The following AGAP1 variants were observed in gnomAD, a reference collection of about 807,000 sequenced individuals.
AGAP1 encodes the protein arf-GAP with GTPase, ANK repeat and PH domain-containing protein 1.
In AGAP1, 29 loss-of-function variants were observed where a neutral mutation model predicts 105.3. That is an observed-to-expected ratio of 0.28 (90% CI 0.21 to 0.38). The LOEUF (loss-of-function observed/expected upper bound fraction) is 0.38. AGAP1 is among the 10% of genes least tolerant of loss of function. The pLI, the probability that AGAP1 is intolerant of heterozygous loss-of-function variation, is 1.00. For synonymous variants in AGAP1, 509 were observed against 485.9 expected, an observed-to-expected ratio of 1.05 and a Z score of -0.63; for missense variants, 998 against 1,165.1, an observed-to-expected ratio of 0.86 and a Z score of 2.09.
Position 235,600,163 on chromosome 2 carries a change from A to C in AGAP1, c.163+105314A>C, listed in dbSNP as rs1945681651. Among the ~76,000 whole-genome samples, 2 of 152,110 alleles carry C rather than the reference A, an allele frequency of 1.3e-5. No individual in the cohort carries two copies. The highest frequency in any genetic ancestry group is 4.8e-5 in the African/African-American group (2 of 41,398). ...TCAAGTCCCTTGTCCAAAATCCAAAAAGCCGACACTGGAAATATTCTGTAG... is the reference window on the plus strand; with the variant it reads ...TCAAGTCCCTTGTCCAAAATCCAAACAGCCGACACTGGAAATATTCTGTAG... On this transcript the variant is annotated intron_variant, in intron 1 of 17. Coordinates refer to ENST00000304032, the MANE Select transcript of AGAP1 (RefSeq NM_001037131.3). This position sits in a 1 kb window ranked among gnomAD's most constrained non-coding sequence, Gnocchi z 4.8.
intron 1 of AGAP1, among the ~76,000 whole-genome samples, chr2:235,590,712 T>TGTGTGCGTGTGC (rs369129304): frequency 8.5e-6 from 1 of 117,026 alleles, no homozygotes; most frequent in Non-Finnish European, 1.7e-5. Context: ...TGTGTGTGTG[T>TGTGTGCGTGTGC]GCATTTTTTT....
rs1960962672 is a variant in AGAP1 at position 235,842,340 on chromosome 2, G to T, written c.1050+35009G>T. 6.6e-6 allele frequency among the ~76,000 whole-genome samples: 1 copy of T among 152,210 alleles called. No homozygotes were observed. Among genetic ancestry groups the T allele is most frequent in the African/African-American group, 2.4e-5 (1 of 41,448 alleles). ...AGGCAACGATCCACAGTGGTGTTTT[G>T]TTAGCAGAACCTGTGACTTTGCCAC... On this transcript the variant is annotated intron_variant, in intron 9 of 17. Transcript: ENST00000304032. This position sits in a 1 kb window ranked among gnomAD's most constrained non-coding sequence, Gnocchi z 5.3.
At chr2:235,746,241 G>A (rs1226862501) in intron 5 of AGAP1, among the ~76,000 whole-genome samples, 4 of 150,860 alleles carry the variant, frequency 2.7e-5, no homozygotes, top group South Asian at 2.1e-4. Flanking sequence ...AGCCAAGATC[G>A]TGCCACTGCA....
intron 13 of AGAP1, among the ~76,000 whole-genome samples, chr2:236,032,557 G>A (rs1330772417): frequency 6.6e-6 from 1 of 152,182 alleles, no homozygotes; most frequent in East Asian, 1.9e-4. Context: ...ACAGAGTGAG[G>A]TTTCAATCAG....
rs544642769 is a variant in AGAP1 at position 236,070,275 on chromosome 2, G to A, written c.2114+20994G>A. Among the ~76,000 whole-genome samples, 7 of 152,298 alleles carry A rather than the reference G, an allele frequency of 4.6e-5. No individual in the cohort carries two copies. In the South Asian group the frequency reaches 1.2e-3, roughly 27 times the overall value. ...GGGCGAGTGGTTAGGGGCAGCGTCC[G>A]GACACCATGCTCACCTACCCAGATG... On this transcript the variant is annotated intron_variant, in intron 16 of 17. Coordinates refer to ENST00000304032, the MANE Select transcript of AGAP1 (RefSeq NM_001037131.3).
At chr2:235,687,895 C>G (rs1575132949) in intron 1 of AGAP1, among the ~76,000 whole-genome samples, 1 of 106,356 alleles carries the variant, frequency 9.4e-6, no homozygotes, top group Non-Finnish European at 1.8e-5. Flanking sequence ...TCGCCGCTCT[C>G]TGACTTTTTT....
rs1553614562 is a variant in AGAP1 at position 235,723,765 on chromosome 2, C to CATTGGTTG, written c.310+6121_310+6122insATTGGTTG. On this transcript the variant is annotated intron_variant, in intron 3 of 17. Coordinates refer to ENST00000304032, the MANE Select transcript of AGAP1 (RefSeq NM_001037131.3). The surrounding 1 kb of genome is among the most constrained non-coding windows in gnomAD (Gnocchi z 6.2). ...ATATGGATTGAGTGGGAGCTTTTAT[C>CATTGGTTG]GTTGGTTGGTTGGTTGGTTGGTTGG... Among the ~76,000 whole-genome samples, 1 of 149,894 alleles carries CATTGGTTG rather than the reference C, an allele frequency of 6.7e-6. No individual in the cohort carries two copies. The highest frequency in any genetic ancestry group is 2.5e-5 in the African/African-American group (1 of 40,648).
intron 9 of AGAP1, among the ~76,000 whole-genome samples, chr2:235,819,088 G>A (rs561521545): frequency 1.3e-5 from 2 of 151,630 alleles, no homozygotes; most frequent in African/African-American, 2.4e-5. Context: ...ATCGAGTATC[G>A]GGAAATTGTA....
rs78704124 is a variant in AGAP1, at chr2:235,619,757, G to A, written c.164-89422G>A. On this transcript the variant is annotated intron_variant, in intron 1 of 17. Coordinates refer to ENST00000304032, the MANE Select transcript of AGAP1 (RefSeq NM_001037131.3). ...GCTGGAGATCAGCAACACCAGCTTC[G>A]GCGCCCGAATTGCTGCACATTGTCC... 4.0e-3 allele frequency among the ~76,000 whole-genome samples: 614 copies of A among 152,322 alleles called. 2 individuals are homozygous for A. Among genetic ancestry groups the A allele is most frequent in the African/African-American group, 0.014 (592 of 41,564 alleles).
rs115956308 is a variant in AGAP1 at position 235,752,638 on chromosome 2, C to T, written c.673+2150C>T. On this transcript the variant is annotated intron_variant, in intron 6 of 17. Transcript: ENST00000304032. This position sits in a 1 kb window ranked among gnomAD's most constrained non-coding sequence, Gnocchi z 4.3. ...CCCGTGCAGAGAGCTTGCCGGTCCCCGATGCAGGATATCAGGGACTCAGTT... is the reference window on the plus strand; with the variant it reads ...CCCGTGCAGAGAGCTTGCCGGTCCCTGATGCAGGATATCAGGGACTCAGTT... Among the ~76,000 whole-genome samples, 259 of 152,252 alleles carry T rather than the reference C, an allele frequency of 1.7e-3. No homozygotes were observed. The highest frequency in any genetic ancestry group is 5.8e-3 in the African/African-American group (242 of 41,552).
intron 13 of AGAP1, among the ~76,000 whole-genome samples, chr2:235,972,078 A>G (rs1442242506): frequency 1.3e-5 from 2 of 152,154 alleles, no homozygotes; most frequent in Admixed American, 1.3e-4. Flanking sequence ...CACCCGGCCT[A>G]TATTTTATGT....
chr2:236,072,003 C>T (rs1194935603), intron 16 of AGAP1, among the ~76,000 whole-genome samples: 5 of 152,182 alleles, frequency 3.3e-5, no homozygotes, highest in African/African-American at 1.2e-4. Context: ...GTGTCCCTGG[C>T]CCATCTCTAG....
Position 235,739,420 on chromosome 2 carries a change from G to C in AGAP1, c.311-1543G>C, listed in dbSNP as rs1194544417. 2.0e-5 allele frequency among the ~76,000 whole-genome samples: 3 copies of C among 152,236 alleles called. No individual in the cohort carries two copies. The highest frequency in any genetic ancestry group is 1.3e-4 in the Admixed American group (2 of 15,278). On this transcript the variant is annotated intron_variant, in intron 3 of 17. Transcript: ENST00000304032. The surrounding 1 kb of genome is among the most constrained non-coding windows in gnomAD (Gnocchi z 5.3). ...CCCTCGTGCAGCTGGGGCTCACCCTGTCTGGACCCAGCGGCCTGACTGGCC... is the reference window on the plus strand; with the variant it reads ...CCCTCGTGCAGCTGGGGCTCACCCTCTCTGGACCCAGCGGCCTGACTGGCC...
rs1336489607 is a variant in AGAP1 at position 235,736,163 on chromosome 2, G to T, written c.311-4800G>T. Among the ~76,000 whole-genome samples, 2 of 151,712 alleles carry T rather than the reference G, an allele frequency of 1.3e-5. No homozygotes were observed. The highest frequency in any genetic ancestry group is 2.4e-5 in the African/African-American group (1 of 41,334). On this transcript the variant is annotated intron_variant, in intron 3 of 17. Transcript: ENST00000304032. The surrounding 1 kb of genome is among the most constrained non-coding windows in gnomAD (Gnocchi z 5.5). The stretch of plus-strand genomic sequence containing the variant: ...GGTTCCACCTTAGGGTCAGGCAGCT[G>T]CGACCGATCTGTCTGGTTCCTCACC...
At chr2:235,768,288 G>A (rs887924405) in intron 6 of AGAP1, among the ~76,000 whole-genome samples, 1 of 152,088 alleles carries the variant, frequency 6.6e-6, no homozygotes, top group Non-Finnish European at 1.5e-5. Context: ...TGTAAAATGG[G>A]ACTAATTGTA....
In AGAP1 at chr2:235,981,175, C is replaced by T. The variant is rs1421746820; in HGVS notation, c.1645+12552C>T. Among the ~76,000 whole-genome samples, 2 of 152,150 alleles carry T rather than the reference C, an allele frequency of 1.3e-5. No homozygotes were observed. Among genetic ancestry groups the T allele is most frequent in the Admixed American group, 6.6e-5 (1 of 15,266 alleles). ...TTGAACTTGCCAACACATGCTGCCT[C>T]GGGGCCTGTGGTCACTAAGCTTATA... is the stretch of plus-strand genomic sequence containing the variant. On this transcript the variant is annotated intron_variant, in intron 13 of 17. Transcript: ENST00000304032. The surrounding 1 kb of genome is among the most constrained non-coding windows in gnomAD (Gnocchi z 5.5).
intron 1 of AGAP1, among the ~76,000 whole-genome samples, chr2:235,529,868 G>A (rs1442261023): frequency 6.6e-6 from 1 of 152,196 alleles, no homozygotes. Flanking sequence ...ATTGGGCTGG[G>A]CAAAGGCAGT....
At position 236,078,726 on chromosome 2, in the gene AGAP1, G is replaced by A. The variant is rs2058707508; in HGVS notation, c.2114+29445G>A. The stretch of plus-strand genomic sequence containing the variant: ...GTGGCTGGGTGCTAGATGGGACCAT[G>A]GGACCCAAGTCCACCCTCTGGCCCC... On this transcript the variant is annotated intron_variant, in intron 16 of 17. Coordinates refer to ENST00000304032, the MANE Select transcript of AGAP1 (RefSeq NM_001037131.3). The surrounding 1 kb of genome is among the most constrained non-coding windows in gnomAD (Gnocchi z 5.3). Among the ~76,000 whole-genome samples the A allele has an allele frequency of 6.6e-6, 1 of 152,152 alleles. No individual in the cohort carries two copies. Among genetic ancestry groups the A allele is most frequent in the African/African-American group, 2.4e-5 (1 of 41,440 alleles).
chr2:236,018,988 A>G (rs1479666052), intron 13 of AGAP1, among the ~76,000 whole-genome samples: 2 of 152,204 alleles, frequency 1.3e-5, no homozygotes, highest in Non-Finnish European at 2.9e-5. Flanking sequence ...TCAGGCCTGC[A>G]GTCAGACCCG....
Sources: allele counts gnomAD v4.1 joint callset (sites outside exome capture counted in the v4.1 genomes callset), GRCh38; gene constraint gnomAD v4.1.1; non-coding constraint Gnocchi (gnomAD v3.1); transcripts MANE v1.5; gene names NCBI Gene and HGNC (gene_info 2026-07-23, HGNC 2026-07-21).